Variants in MICU1 observed in about 807,000 individuals in gnomAD.
MICU1 encodes mitochondrial calcium uptake 1.
MICU1 carries 45 observed loss-of-function variants against 56.8 expected under a neutral mutation model. That is an observed-to-expected ratio of 0.79 (90% CI 0.62 to 1.02). The LOEUF (loss-of-function observed/expected upper bound fraction) is 1.02, where lower values mean the gene tolerates loss of function less well. Among genes scored for constraint, MICU1 ranks in the 50% least tolerant of loss-of-function variants. The pLI is 0.00. For synonymous variants in MICU1, 186 were observed against 195.1 expected (o/e 0.95, Z 0.39); for missense variants, 504 against 587.1 (o/e 0.86, Z 1.46).
intron 10 of MICU1, among the ~76,000 whole-genome samples, chr10:72,382,037 A>G (rs1733906119): frequency 6.6e-6 from 1 of 151,932 alleles, no homozygotes; most frequent in African/African-American, 2.4e-5. Context: ...GAAGAGACAG[A>G]TATCAGATAT....
chr10:72,468,724 T>C (rs1468822648), intron 8 of MICU1, among the ~76,000 whole-genome samples: 3 of 152,172 alleles, frequency 2.0e-5, no homozygotes, highest in Non-Finnish European at 4.4e-5. Context: ...TTAGGTAGTA[T>C]CTTGCAAGCA....
chr10:72,546,892 ATT>A (rs1231508780), intron 4 of MICU1, among the ~76,000 whole-genome samples: 16 of 138,422 alleles, frequency 1.2e-4, no homozygotes, highest in East Asian at 2.1e-4. Context: ...CGCTCGTCTA[ATT>A]TTTTTTTTTT....
intron 8 of MICU1, among the ~76,000 whole-genome samples, chr10:72,427,733 A>AATAAATAAATATATAT (rs1241632825): frequency 7.3e-6 from 1 of 136,292 alleles, no homozygotes; most frequent in African/African-American, 2.8e-5. Context: ...CCATCTCTAA[A>AATAAATAAATATATAT]ATATATATAT....
At chr10:72,622,199 A>G (rs1397567389) in intron 1 of MICU1, among the ~76,000 whole-genome samples, 1 of 151,728 alleles carries the variant, frequency 6.6e-6, no homozygotes, top group Non-Finnish European at 1.5e-5. Flanking sequence ...CTGGGATTAC[A>G]AGCGTGAGCC....
chr10:72,398,003 C>T (rs1183807077), intron 10 of MICU1, among the ~76,000 whole-genome samples: 2 of 152,204 alleles, frequency 1.3e-5, no homozygotes, highest in African/African-American at 4.8e-5. Context: ...CCACATCACA[C>T]TTATTCTAAA....
intron 9 of MICU1, among the ~76,000 whole-genome samples, chr10:72,416,517 T>C (rs1222386714): frequency 3.3e-5 from 5 of 152,196 alleles, no homozygotes; most frequent in Non-Finnish European, 7.3e-5. Flanking sequence ...CTCGCATATA[T>C]TATCCACAGA....
Position 72,439,334 on chromosome 10 carries a change from T to C in MICU1, c.934-15963A>G, listed in dbSNP as rs368444864. On this transcript the variant is annotated intron_variant, in intron 8 of 11. Transcript: ENST00000361114. Reference sequence around the variant, plus strand: ...ATCTCAATAGATGCAGAAAAGGCCTTTGACAAAATTCAACAGCCCTTCAGG... The same window carrying C: ...ATCTCAATAGATGCAGAAAAGGCCTCTGACAAAATTCAACAGCCCTTCAGG... Among the ~76,000 whole-genome samples, 49 of 152,322 alleles carry C rather than the reference T, an allele frequency of 3.2e-4. No homozygotes were observed. The East Asian group carries it at 8.7e-3, about 27-fold the overall frequency.
intron 10 of MICU1, among the ~76,000 whole-genome samples, chr10:72,400,252 T>C (rs1863407223): frequency 6.6e-6 from 1 of 152,090 alleles, no homozygotes; most frequent in African/African-American, 2.4e-5. Flanking sequence ...TTTTCTTTCT[T>C]TTTTTTAATC....
chr10:72,456,847 TTTTGTGTGTGTG>T (rs1865474047), intron 8 of MICU1, among the ~76,000 whole-genome samples: 2 of 100,724 alleles, frequency 2.0e-5, no homozygotes, highest in Admixed American at 2.2e-4. Flanking sequence ...GCCGGGCTCA[TTTTGTGTGTGTG>T]TGTGTGTGTG....
At chr10:72,402,845 C>T (rs1405567325) in intron 10 of MICU1, among the ~76,000 whole-genome samples, 2 of 151,720 alleles carry the variant, frequency 1.3e-5, no homozygotes, top group Admixed American at 6.6e-5. Context: ...CCCAGGAATT[C>T]GAGACCAACC....
intron 10 of MICU1, among the ~76,000 whole-genome samples, chr10:72,395,809 C>G (rs199911009): frequency 1.3e-5 from 2 of 152,348 alleles, no homozygotes; most frequent in East Asian, 3.9e-4. Context: ...CACCACAGCT[C>G]AACAGGCCTA....
chr10:72,569,237 A>ATATTTTTTT lies in MICU1; in HGVS notation c.-1-2444_-1-2443insAAAAAAATA. Reference sequence around the variant, plus strand: ...TATATATATATATATATATATATATATTTTTTTTTTTTTTTGAGATGGCGT... The same window carrying ATATTTTTTT: ...TATATATATATATATATATATATATATATTTTTTTTTTTTTTTTTTTTTTGAGATGGCGT... On this transcript the variant is annotated intron_variant, in intron 1 of 11. Transcript: ENST00000361114. 1.6e-3 allele frequency among the ~76,000 whole-genome samples: 56 copies of ATATTTTTTT among 34,380 alleles called. 2 individuals are homozygous for ATATTTTTTT. Among genetic ancestry groups the ATATTTTTTT allele is most frequent in the Admixed American group, 3.0e-3 (5 of 1,650 alleles). The allele number at this position is 34,380 out of a possible 152,430, so 22.6% of individuals were successfully genotyped here. A position where few individuals can be genotyped will look rare whatever the true frequency, so the allele number is the denominator to read the frequency against.
At chr10:72,483,326 C>A in intron 6 of MICU1, 1 of 160,298 alleles carries the variant, frequency 6.2e-6, no homozygotes, top group South Asian at 1.9e-4. Flanking sequence ...GGCTGGAGGG[C>A]ATCTTGCTTG....
In MICU1 at chr10:72,516,235, T is replaced by C. The variant is rs564072121; in HGVS notation, c.538-7966A>G. Among the ~76,000 whole-genome samples the C allele has an allele frequency of 1.2e-3, 187 of 152,316 alleles. 1 individual carries two copies. The highest frequency in any genetic ancestry group is 4.0e-3 in the African/African-American group (168 of 41,570). On this transcript the variant is annotated intron_variant, in intron 5 of 11. Transcript: ENST00000361114. Reference sequence around the variant, plus strand: ...ATGTTTGTTGGCCACAGAAATGCCTTCTTTTGAGAAGTGTCTGTTCATATC... The same window carrying C: ...ATGTTTGTTGGCCACAGAAATGCCTCCTTTTGAGAAGTGTCTGTTCATATC...
intron 4 of MICU1, among the ~76,000 whole-genome samples, chr10:72,540,267 C>CAAAAAAAAAAAAAAAAAAA (rs11287541): frequency 1.2e-5 from 1 of 85,464 alleles, no homozygotes. Context: ...AACTCCATCT[C>CAAAAAAAAAAAAAAAAAAA]AAAAAAAAAA....
chr10:72,387,908 G>C (rs774132463), intron 10 of MICU1, among the ~76,000 whole-genome samples: 7 of 151,966 alleles, frequency 4.6e-5, no homozygotes, highest in Non-Finnish European at 1.0e-4. Context: ...AACCAGAACA[G>C]GCAGTTTGGT....
At chr10:72,534,529 A>G (rs1218023530) in intron 4 of MICU1, among the ~76,000 whole-genome samples, 1 of 152,182 alleles carries the variant, frequency 6.6e-6, no homozygotes, top group African/African-American at 2.4e-5. Context: ...ATTACAAGGG[A>G]GCATACAATT....
At chr10:72,406,598 T>C (rs1863637796) in intron 10 of MICU1, among the ~76,000 whole-genome samples, 1 of 149,236 alleles carries the variant, frequency 6.7e-6, no homozygotes, top group Non-Finnish European at 1.5e-5. Context: ...TATGTTCATA[T>C]ACTCCTTATT....
At chr10:72,601,428 TAA>T (rs77385847) in intron 1 of MICU1, among the ~76,000 whole-genome samples, 44 of 90,974 alleles carry the variant, frequency 4.8e-4, no homozygotes, top group Non-Finnish European at 7.4e-4. Flanking sequence ...ACCCTGTCTT[TAA>T]AAAAAAAAAA....
Sources: gnomAD v4.1 joint callset for allele counts (sites outside exome capture counted in the v4.1 genomes callset) on GRCh38, gnomAD v4.1.1 for gene constraint, MANE v1.5 for transcripts, NCBI Gene and HGNC (gene_info 2026-07-23, HGNC 2026-07-21) for gene names.